EPHA3: variants seen among roughly 807,000 people sequenced by gnomAD.
The protein encoded by EPHA3 is EPH receptor A3, also known as ephrin type-A receptor 3.
EPHA3 carries 42 observed loss-of-function variants against 107.1 expected under a neutral mutation model. The ratio of observed to expected loss-of-function variants is 0.39; its 90% confidence interval spans 0.31 to 0.51. The LOEUF is 0.51. EPHA3 is among the 20% of genes least tolerant of loss of function. The pLI is 0.78. For synonymous variants in EPHA3, 461 were observed against 424.8 expected (o/e 1.09, Z -1.05); for missense variants, 1,183 against 1,211.2 (o/e 0.98, Z 0.35).
intron 3 of EPHA3, among the ~76,000 whole-genome samples, chr3:89,281,180 C>A (rs1189820810): frequency 6.6e-6 from 1 of 152,196 alleles, no homozygotes; most frequent in South Asian, 2.1e-4. Context: ...CACGCCGCCA[C>A]GCCCGGCTAA....
intron 3 of EPHA3, among the ~76,000 whole-genome samples, chr3:89,224,527 T>G (rs1266016233): frequency 6.6e-6 from 1 of 152,174 alleles, no homozygotes; most frequent in Admixed American, 6.5e-5. Context: ...CATTAATTTC[T>G]ATTAAAGGTA....
At chr3:89,209,582 G>A (rs1488498571) in intron 2 of EPHA3, among the ~76,000 whole-genome samples, 1 of 151,990 alleles carries the variant, frequency 6.6e-6, no homozygotes, top group Non-Finnish European at 1.5e-5. Flanking sequence ...CTGATTTGAG[G>A]TTTTGATCCT....
intron 3 of EPHA3, among the ~76,000 whole-genome samples, chr3:89,243,678 A>G (rs536646877): frequency 1.2e-4 from 19 of 152,234 alleles, no homozygotes; most frequent in African/African-American, 4.6e-4. Flanking sequence ...TCAGATGAGT[A>G]GATTGCAAAA....
At chr3:89,219,081 A>T (rs1479834180) in intron 3 of EPHA3, among the ~76,000 whole-genome samples, 1 of 152,226 alleles carries the variant, frequency 6.6e-6, no homozygotes, top group Non-Finnish European at 1.5e-5. Flanking sequence ...TCTGCTTCTA[A>T]AGTGTCATCA....
At chr3:89,231,955 C>T (rs1308657271) in intron 3 of EPHA3, among the ~76,000 whole-genome samples, 1 of 152,092 alleles carries the variant, frequency 6.6e-6, no homozygotes, top group East Asian at 1.9e-4. Flanking sequence ...TGTTAATGGA[C>T]AGTTCTTTTT....
At chr3:89,348,595 T>A (rs1333151895) in intron 5 of EPHA3, among the ~76,000 whole-genome samples, 1 of 141,056 alleles carries the variant, frequency 7.1e-6, no homozygotes, top group Non-Finnish European at 1.5e-5. Context: ...TTTTGAATGG[T>A]TTTTTGTGTC....
intron 3 of EPHA3, among the ~76,000 whole-genome samples, chr3:89,317,507 T>A (rs1000129629): frequency 2.6e-5 from 4 of 151,794 alleles, no homozygotes; most frequent in Non-Finnish European, 4.4e-5. Flanking sequence ...ACTCCCTGAT[T>A]CCATTAAGGC....
intron 2 of EPHA3, among the ~76,000 whole-genome samples, chr3:89,164,738 T>C (rs1330236249): frequency 6.6e-6 from 1 of 152,154 alleles, no homozygotes; most frequent in Non-Finnish European, 1.5e-5. Context: ...GCCCATTTAC[T>C]CTCTAGAGAG....
At chr3:89,408,017 A>G in intron 8 of EPHA3, 50 bp from the exon 9 acceptor site, 1 of 1,546,504 alleles carries the variant, frequency 6.5e-7, no homozygotes, top group Non-Finnish European at 8.9e-7. Context: ...ATAGGTAACT[A>G]TTTTAAATAT....
chr3:89,251,428 A>G (rs62278165), intron 3 of EPHA3, among the ~76,000 whole-genome samples: 246 of 152,228 alleles, frequency 1.6e-3, no homozygotes, highest in South Asian at 3.9e-3. Context: ...AATTTATCAT[A>G]TATAAATTGA....
At chr3:89,345,606 C>CTTTTTTTT (rs528144226) in intron 5 of EPHA3, among the ~76,000 whole-genome samples, 1 of 136,652 alleles carries the variant, frequency 7.3e-6, no homozygotes. Flanking sequence ...GTGACAATTT[C>CTTTTTTTT]TTTTTTTTTT....
intron 4 of EPHA3, 51 bp from the exon 5 acceptor site, chr3:89,341,704 T>C: frequency 1.5e-6 from 2 of 1,373,704 alleles, no homozygotes; most frequent in Non-Finnish European, 2.0e-6. Context: ...ATTTCCCTTG[T>C]AGTAGAAAAC....
At chr3:89,107,948 T>G (rs1206049923) in intron 1 of EPHA3, 112 bp downstream of exon 1, 12 of 977,036 alleles carry the variant, frequency 1.2e-5, no homozygotes, top group Non-Finnish European at 1.6e-5. Flanking sequence ...ATAGAGCAGT[T>G]TGCTCTGAGA....
At chr3:89,420,872 G>A (rs2107528112) in intron 11 of EPHA3, among the ~76,000 whole-genome samples, 1 of 151,526 alleles carries the variant, frequency 6.6e-6, no homozygotes, top group South Asian at 2.1e-4. Context: ...TCATTATGAA[G>A]TATCTGTTAT....
At position 89,227,491 on chromosome 3, in the gene EPHA3, G is replaced by A. The variant is rs77154907; in HGVS notation, c.814+16971G>A. ...TTAAATCGAAGTAAAGAACTTGTAC[G>A]TTACGAGAGACTGAATATTTAAGTC... On this transcript the variant is annotated intron_variant, in intron 3 of 16. Coordinates refer to ENST00000336596, the MANE Select transcript of EPHA3 (RefSeq NM_005233.6). Among the ~76,000 whole-genome samples, 1,074 of 152,030 alleles carry A rather than the reference G, an allele frequency of 7.1e-3. 18 individuals are homozygous for A. Among genetic ancestry groups the A allele is most frequent in the African/African-American group, 0.025 (1,022 of 41,518 alleles).
intron 3 of EPHA3, among the ~76,000 whole-genome samples, chr3:89,245,318 C>A (rs1409636981): frequency 6.6e-6 from 1 of 152,030 alleles, no homozygotes; most frequent in Non-Finnish European, 1.5e-5. Context: ...CTTGAAGGAA[C>A]AAGAGTAGAA....
chr3:89,208,156 G>A (rs1472365114), intron 2 of EPHA3, among the ~76,000 whole-genome samples: 2 of 151,860 alleles, frequency 1.3e-5, no homozygotes, highest in East Asian at 1.9e-4. Flanking sequence ...GGTGGATCAC[G>A]AGGCCAGGAG....
intron 3 of EPHA3, among the ~76,000 whole-genome samples, chr3:89,316,288 C>T (rs1706897550): frequency 6.6e-6 from 1 of 151,324 alleles, no homozygotes. Flanking sequence ...ATATTGCCAG[C>T]TTTATCACCA....
At chr3:89,285,479 T>C (rs924468845) in intron 3 of EPHA3, among the ~76,000 whole-genome samples, 6 of 152,190 alleles carry the variant, frequency 3.9e-5, no homozygotes, top group African/African-American at 1.4e-4. Context: ...ATCATTACTA[T>C]GAAGCAAAGA....
Sources: allele counts gnomAD v4.1 joint callset (sites outside exome capture counted in the v4.1 genomes callset), GRCh38; gene constraint gnomAD v4.1.1; transcripts MANE v1.5; gene names NCBI Gene and HGNC (gene_info 2026-07-23, HGNC 2026-07-21).